The following FBXO11 variants were observed in gnomAD, a reference collection of about 807,000 sequenced individuals.
FBXO11 encodes F-box only protein 11.
In FBXO11, 13 loss-of-function variants were observed where a neutral mutation model predicts 117.0. The ratio of observed to expected loss-of-function variants is 0.11; its 90% CI spans 0.07 to 0.18. FBXO11 has a LOEUF of 0.18. FBXO11 is among the 10% of genes least tolerant of loss of function. The probability of loss-of-function intolerance (pLI) is 1.00; values close to 1 mark genes in which losing one functional copy is unlikely to be tolerated. For synonymous variants in FBXO11, 490 were observed against 380.5 expected (o/e 1.29, Z -3.35); for missense variants, 767 against 1,164.4 (o/e 0.66, Z 4.97).
rs920614544 is a variant in FBXO11 at position 47,819,135 on chromosome 2, G to C, written c.1798-57C>G. ...ATCTTCTATAAGCAAGGCGTTTATA[G>C]TCTGTTACCCCCTTTATAGACAGTT... On this transcript the variant is annotated intron_variant, in intron 14 of 22. Transcript: ENST00000403359. The C allele has an allele frequency of 7.1e-5, 111 of 1,562,070 alleles. 1 individual carries two copies. In the South Asian group the frequency reaches 1.2e-3, roughly 17 times the overall value.
At chr2:47,809,844 A>G (rs1670487148) in intron 19 of FBXO11, 137 bp from the exon 20 acceptor site, 2 of 581,522 alleles carry the variant, frequency 3.4e-6, no homozygotes, top group Non-Finnish European at 6.0e-6. Context: ...TAAAATGTAG[A>G]TACCTATTTC....
Position 47,840,337 on chromosome 2 carries a change from T to C in FBXO11, c.233-568A>G, listed in dbSNP as rs191688080. On this transcript the variant is annotated intron_variant, in intron 1 of 22. Transcript: ENST00000403359. ...GTACTACATGGTTAGAGACCATATA[T>C]GGTGAAGGCAGCTTGGCAAGGAGTG... Among the ~76,000 whole-genome samples, 8 of 152,054 alleles carry C rather than the reference T, an allele frequency of 5.3e-5. No homozygotes were observed. In the East Asian group the frequency reaches 1.2e-3, roughly 22 times the overall value.
chr2:47,829,165 G>C (rs900604685), intron 11 of FBXO11, among the ~76,000 whole-genome samples: 1 of 151,930 alleles, frequency 6.6e-6, no homozygotes, highest in East Asian at 1.9e-4. Flanking sequence ...AAAGTGTTAG[G>C]ATTACAGGCG....
chr2:47,856,062 C>G (rs1320086638), intron 1 of FBXO11, among the ~76,000 whole-genome samples: 1 of 152,104 alleles, frequency 6.6e-6, no homozygotes, highest in Non-Finnish European at 1.5e-5. Context: ...AGCGTGCTAT[C>G]ATTACATTAT....
chr2:47,830,365 A>G (rs1052946547), intron 11 of FBXO11, among the ~76,000 whole-genome samples: 3 of 152,212 alleles, frequency 2.0e-5, no homozygotes, highest in Admixed American at 6.5e-5. Context: ...TACAATATCC[A>G]TAAGGCGTTC....
intron 1 of FBXO11, among the ~76,000 whole-genome samples, chr2:47,874,512 C>T (rs1399412125): frequency 6.6e-6 from 1 of 151,894 alleles, no homozygotes; most frequent in East Asian, 1.9e-4. Context: ...GTAAGTTTAA[C>T]ACACAAACAC....
chr2:47,840,434 G>C (rs1672928431), intron 1 of FBXO11, among the ~76,000 whole-genome samples: 1 of 150,132 alleles, frequency 6.7e-6, no homozygotes, highest in Non-Finnish European at 1.5e-5. Context: ...TCAGAGGGTA[G>C]TCTGGTGTAT....
At chr2:47,837,381 G>T (rs1672664427) in intron 4 of FBXO11, among the ~76,000 whole-genome samples, 1 of 152,176 alleles carries the variant, frequency 6.6e-6, no homozygotes, top group African/African-American at 2.4e-5. Flanking sequence ...ACAAAAAATA[G>T]CTGGGCATGG....
intron 19 of FBXO11, 21 bp downstream of exon 19, chr2:47,810,295 G>GT: frequency 6.7e-7 from 1 of 1,497,576 alleles, no homozygotes; most frequent in Non-Finnish European, 9.2e-7. Flanking sequence ...TAAGCCACAG[G>GT]TAAGAAAAGA....
chr2:47,905,655 T>C lies in FBXO11; in HGVS notation c.66A>G (p.Gln22=), dbSNP rs1572943702. 1 of 1,479,668 alleles carries C rather than the reference T, an allele frequency of 6.8e-7. No individual in the cohort carries two copies. Among genetic ancestry groups the C allele is most frequent in the East Asian group, 3.0e-5 (1 of 33,888 alleles). The allele number at this position is 1,479,668 out of a possible 1,614,324, so 91.7% of individuals were successfully genotyped here. ...GCTGCTGCGGGGGCTGCTGCTGCTG[T>C]TGCTGCACCGGGCGCGGCCGCGACA... is the stretch of plus-strand genomic sequence containing the variant. ...RRVSRPRPVQ[Q]QQQQPPQQPP... The change falls in exon 1 of 23, where the codon CAA becomes CAG. Residue 22 remains glutamine (Q), a synonymous_variant. Transcript: ENST00000403359.
At chr2:47,841,659 T>A (rs531029195) in intron 1 of FBXO11, among the ~76,000 whole-genome samples, 1 of 152,246 alleles carries the variant, frequency 6.6e-6, no homozygotes, top group East Asian at 1.9e-4. Flanking sequence ...TATTATTATT[T>A]GAGATGGAGT....
At chr2:47,879,748 A>G (rs1676300549) in intron 1 of FBXO11, among the ~76,000 whole-genome samples, 1 of 152,192 alleles carries the variant, frequency 6.6e-6, no homozygotes, top group Admixed American at 6.5e-5. Flanking sequence ...CTGAAACTCT[A>G]TATCCACTGA....
intron 1 of FBXO11, among the ~76,000 whole-genome samples, chr2:47,892,572 A>C (rs1019207537): frequency 6.6e-6 from 1 of 152,260 alleles, no homozygotes; most frequent in Non-Finnish European, 1.5e-5. Context: ...GCAATGCAGA[A>C]TCAGAAAGAT....
intron 1 of FBXO11, among the ~76,000 whole-genome samples, chr2:47,844,661 TTTTG>T (rs1306117752): frequency 1.3e-5 from 2 of 152,204 alleles, no homozygotes; most frequent in Admixed American, 6.5e-5. Context: ...CTTTTGTTCG[TTTTG>T]TTTTTGAGAC....
At chr2:47,833,884 T>C (rs1672356551) in intron 7 of FBXO11, among the ~76,000 whole-genome samples, 1 of 151,712 alleles carries the variant, frequency 6.6e-6, no homozygotes, top group Non-Finnish European at 1.5e-5. Context: ...GCCAGGCCAG[T>C]CTTTAACTCC....
At chr2:47,819,473 C>G (rs1243154250) in intron 14 of FBXO11, among the ~76,000 whole-genome samples, 1 of 152,186 alleles carries the variant, frequency 6.6e-6, no homozygotes, top group East Asian at 1.9e-4. Context: ...GTTGGCCTCC[C>G]AAAGTGCTGG....
At chr2:47,899,621 G>C (rs1375003699) in intron 1 of FBXO11, among the ~76,000 whole-genome samples, 2 of 152,116 alleles carry the variant, frequency 1.3e-5, no homozygotes, top group South Asian at 2.1e-4. Context: ...CTTTAACTCT[G>C]AGCTCTTTAC....
chr2:47,886,187 C>T (rs1022296787), intron 1 of FBXO11, among the ~76,000 whole-genome samples: 1 of 151,612 alleles, frequency 6.6e-6, no homozygotes, highest in Non-Finnish European at 1.5e-5. Context: ...ACAGAAAAAC[C>T]CTTTGACCCA....
chr2:47,882,821 T>A (rs891896963), intron 1 of FBXO11, among the ~76,000 whole-genome samples: 1 of 152,142 alleles, frequency 6.6e-6, no homozygotes, highest in African/African-American at 2.4e-5. Context: ...CCGGCTAATT[T>A]TGTACTTTTT....
Sources: allele counts gnomAD v4.1 joint callset (sites outside exome capture counted in the v4.1 genomes callset), GRCh38; gene constraint gnomAD v4.1.1; transcripts MANE v1.5; gene names NCBI Gene and HGNC (gene_info 2026-07-23, HGNC 2026-07-21).